Variants in RBFOX3 observed in about 807,000 individuals in gnomAD.
The protein encoded by RBFOX3 is RNA binding protein fox-1 homolog 3.
Under a neutral mutation model 48.7 loss-of-function variants are expected in RBFOX3, and 17 were observed. The ratio of observed to expected loss-of-function variants is 0.35; its 90% CI spans 0.24 to 0.52. The LOEUF (loss-of-function observed/expected upper bound fraction) is 0.52. Among genes scored for constraint, RBFOX3 ranks in the 20% least tolerant of loss-of-function variants. The probability of loss-of-function intolerance (pLI) is 0.94; values close to 1 mark genes in which losing one functional copy is unlikely to be tolerated. For synonymous variants in RBFOX3, 212 were observed against 209.5 expected (o/e 1.01, Z -0.10); for missense variants, 382 against 497.5 (o/e 0.77, Z 2.21).
intron 2 of RBFOX3, among the ~76,000 whole-genome samples, chr17:79,312,523 A>T (rs2076996305): frequency 6.6e-6 from 1 of 151,966 alleles, no homozygotes; most frequent in South Asian, 2.1e-4. Context: ...CTGAGTGAGG[A>T]TACTAGGCCA....
chr17:79,151,405 G>A (rs545905018), intron 4 of RBFOX3, among the ~76,000 whole-genome samples: 9 of 127,682 alleles, frequency 7.0e-5, no homozygotes, highest in East Asian at 4.4e-4. Context: ...GCAAAGGCAC[G>A]GGGCTGGGAG....
intron 14 of RBFOX3, 91 bp downstream of exon 14, chr17:79,094,360 C>G: frequency 1.1e-6 from 1 of 916,144 alleles, no homozygotes; most frequent in Non-Finnish European, 1.6e-6. Context: ...AGGCATTGGT[C>G]AGAGGGCTCG....
chr17:79,364,636 C>T lies in RBFOX3; in HGVS notation c.-174-56812G>A, dbSNP rs936727536. ...GGGTGTGCTGGTGGGTGACGGGGAG[C>T]GGGCGTGAGCAGGTCGGATAGCCTG... On this transcript the variant is annotated intron_variant, in intron 2 of 14. Coordinates refer to ENST00000693108, the MANE Select transcript of RBFOX3 (RefSeq NM_001350451.2). This position sits in a 1 kb window ranked among gnomAD's most constrained non-coding sequence, Gnocchi z 5.1. Among the ~76,000 whole-genome samples, 14 of 152,132 alleles carry T rather than the reference C, an allele frequency of 9.2e-5. No individual in the cohort carries two copies. The highest frequency in any genetic ancestry group is 1.9e-4 in the Non-Finnish European group (13 of 68,014).
intron 2 of RBFOX3, among the ~76,000 whole-genome samples, chr17:79,368,202 C>T (rs1338561870): frequency 6.6e-6 from 1 of 152,220 alleles, no homozygotes; most frequent in African/African-American, 2.4e-5. Flanking sequence ...CCCCTCTCCA[C>T]AGCCGTGCCC....
At chr17:79,119,916 C>A (rs1351333007) in intron 4 of RBFOX3, among the ~76,000 whole-genome samples, 1 of 152,218 alleles carries the variant, frequency 6.6e-6, no homozygotes, top group African/African-American at 2.4e-5. Context: ...TGACATGCAG[C>A]CCTGGTGGAG....
intron 1 of RBFOX3, among the ~76,000 whole-genome samples, chr17:79,505,736 G>C (rs1055526827): frequency 1.3e-5 from 2 of 152,208 alleles, no homozygotes; most frequent in Non-Finnish European, 2.9e-5. Context: ...GTGCTGCACT[G>C]CTCTGATGGT....
intron 3 of RBFOX3, among the ~76,000 whole-genome samples, chr17:79,293,081 A>C (rs1206859936): frequency 6.6e-6 from 1 of 152,156 alleles, no homozygotes; most frequent in South Asian, 2.1e-4. Flanking sequence ...GTAATGCCTC[A>C]TATGTATATT....
intron 4 of RBFOX3, among the ~76,000 whole-genome samples, chr17:79,159,078 T>C (rs755772265): frequency 8.5e-5 from 13 of 152,190 alleles, no homozygotes; most frequent in Non-Finnish European, 1.9e-4. Context: ...GTGATGCAGC[T>C]ACCGAGGCCA....
At chr17:79,369,483 T>G (rs972860044) in intron 2 of RBFOX3, among the ~76,000 whole-genome samples, 1 of 152,148 alleles carries the variant, frequency 6.6e-6, no homozygotes, top group African/African-American at 2.4e-5. Flanking sequence ...AGGGCTTGTC[T>G]GGGGATCCCC....
chr17:79,246,332 C>T (rs1182501392), intron 3 of RBFOX3, among the ~76,000 whole-genome samples: 2 of 152,198 alleles, frequency 1.3e-5, no homozygotes, highest in Admixed American at 6.5e-5. Context: ...GGAACAGTCC[C>T]GCCCCCGACT....
rs562910415 is a variant in RBFOX3 at position 79,537,078 on chromosome 17, C to T, written c.-319-54480G>A. ...CCAGCCTGGTGACAGAATGAGACTC[C>T]GTCTCAAACAAAACAAAACAAAACA... On this transcript the variant is annotated intron_variant, in intron 1 of 14. Coordinates refer to ENST00000693108, the MANE Select transcript of RBFOX3 (RefSeq NM_001350451.2). 2.5e-4 allele frequency among the ~76,000 whole-genome samples: 38 copies of T among 150,354 alleles called. No homozygotes were observed. In the East Asian group the frequency reaches 6.2e-3, roughly 25 times the overall value.
At chr17:79,636,399 G>C in the RBFOX3 span, among the ~76,000 whole-genome samples, 1 of 151,970 alleles carries the variant, frequency 6.6e-6, no homozygotes, top group Admixed American at 6.5e-5. Flanking sequence ...GGTCAACCAG[G>C]GAGACTTTAG....
chr17:79,662,411 C>T, the RBFOX3 span, among the ~76,000 whole-genome samples: 18 of 152,018 alleles, frequency 1.2e-4, no homozygotes, highest in East Asian at 1.4e-3. Flanking sequence ...TGTGAGCCAC[C>T]GCGCCCGGCT....
At chr17:79,189,418 A>G (rs760256371) in intron 4 of RBFOX3, among the ~76,000 whole-genome samples, 2 of 152,188 alleles carry the variant, frequency 1.3e-5, no homozygotes, top group African/African-American at 4.8e-5. Context: ...TTCTGTGAAC[A>G]TGCTCGTCGT....
chr17:79,508,221 G>A (rs2083462798), intron 1 of RBFOX3, among the ~76,000 whole-genome samples: 3 of 152,062 alleles, frequency 2.0e-5, no homozygotes, highest in African/African-American at 7.2e-5. Context: ...CCGCTGGGAA[G>A]AGCAGGTGCC....
the RBFOX3 span, among the ~76,000 whole-genome samples, chr17:79,631,632 C>T: frequency 1.3e-5 from 2 of 152,198 alleles, no homozygotes; most frequent in African/African-American, 4.8e-5. Context: ...TCTCAAGGCA[C>T]CGAGGAAGTG....
chr17:79,592,086 CAT>C (rs2093435534), intron 1 of RBFOX3, among the ~76,000 whole-genome samples: 1 of 149,112 alleles, frequency 6.7e-6, no homozygotes, highest in African/African-American at 2.5e-5. Context: ...TTTGTGTGCA[CAT>C]ATGCATGCAT....
chr17:79,360,236 A>G (rs961904655), intron 2 of RBFOX3, among the ~76,000 whole-genome samples: 2 of 152,106 alleles, frequency 1.3e-5, no homozygotes, highest in Admixed American at 1.3e-4. Flanking sequence ...TTACAACGAT[A>G]TCGATATCTG....
Position 79,299,076 on chromosome 17 carries a change from C to T in RBFOX3, c.-74+8648G>A, listed in dbSNP as rs939085384. ...CTGAAATCCTCCCTGGCAGCAGATG[C>T]GGCTGGCCTCGGAAATACGGGAGGG... is the stretch of plus-strand genomic sequence containing the variant. On this transcript the variant is annotated intron_variant, in intron 3 of 14. Coordinates refer to ENST00000693108, the MANE Select transcript of RBFOX3 (RefSeq NM_001350451.2). The surrounding 1 kb of genome is among the most constrained non-coding windows in gnomAD (Gnocchi z 4.5). Among the ~76,000 whole-genome samples, 4 of 151,256 alleles carry T rather than the reference C, an allele frequency of 2.6e-5. No individual in the cohort carries two copies. The highest frequency in any genetic ancestry group is 2.0e-4 in the East Asian group (1 of 5,102).
Sources: gnomAD v4.1 joint callset for allele counts (sites outside exome capture counted in the v4.1 genomes callset) on GRCh38, gnomAD v4.1.1 for gene constraint, Gnocchi (gnomAD v3.1) non-coding constraint, MANE v1.5 for transcripts, NCBI Gene and HGNC (gene_info 2026-07-23, HGNC 2026-07-21) for gene names.